CD53: variants seen among roughly 807,000 people sequenced by gnomAD.
The protein encoded by CD53 is CD53 molecule.
Under a neutral mutation model 27.3 loss-of-function variants are expected in CD53, and 20 were observed. The ratio of observed to expected loss-of-function variants is 0.73; its 90% CI spans 0.52 to 1.07. CD53 has a LOEUF of 1.07. Ranked by LOEUF, CD53 falls within the 50% of genes least tolerant of loss-of-function variation. The probability of loss-of-function intolerance (pLI) is 0.00; values close to 1 mark genes in which losing one functional copy is unlikely to be tolerated. For synonymous variants in CD53, 106 were observed against 105.3 expected (o/e 1.01, Z -0.04); for missense variants, 216 against 264.0 (o/e 0.82, Z 1.26).
intron 1 of CD53, among the ~76,000 whole-genome samples, chr1:110,884,879 T>G (rs757570286): frequency 1.3e-5 from 2 of 152,176 alleles, no homozygotes; most frequent in Non-Finnish European, 2.9e-5. Context: ...TAATTGGGTC[T>G]TGTTTTTTCA....
chr1:110,888,546 T>C (rs537776703), intron 1 of CD53, among the ~76,000 whole-genome samples: 66 of 152,340 alleles, frequency 4.3e-4, no homozygotes, highest in African/African-American at 1.6e-3. Flanking sequence ...ATTTTTTAGC[T>C]GTTTCAGGTG....
At chr1:110,880,350 A>G (rs563936971) in intron 1 of CD53, 2 of 152,214 alleles carry the variant, frequency 1.3e-5, no homozygotes, top group East Asian at 1.9e-4. Flanking sequence ...AGATTTTCTT[A>G]CTCAATTTAG....
intron 1 of CD53, among the ~76,000 whole-genome samples, chr1:110,880,766 C>T (rs1294076158): frequency 6.6e-6 from 1 of 152,140 alleles, no homozygotes; most frequent in Non-Finnish European, 1.5e-5. Flanking sequence ...CCTCAAGGAG[C>T]TCACATTCTA....
chr1:110,894,781 T>TGCCA (rs1167084767), intron 4 of CD53, among the ~76,000 whole-genome samples, 179 bp from the exon 5 acceptor site: 3 of 152,222 alleles, frequency 2.0e-5, no homozygotes, highest in African/African-American at 7.2e-5. Flanking sequence ...CTTCCTTCAA[T>TGCCA]GCCACCTCAT....
At chr1:110,874,343 G>A (rs1355146818) in intron 1 of CD53, among the ~76,000 whole-genome samples, 1 of 152,188 alleles carries the variant, frequency 6.6e-6, no homozygotes, top group African/African-American at 2.4e-5. Flanking sequence ...TAATAATCAA[G>A]TGGTAGGTGC....
intron 7 of CD53, among the ~76,000 whole-genome samples, chr1:110,898,379 G>GC (rs33929044): frequency 3.5e-5 from 4 of 115,658 alleles, no homozygotes; most frequent in Admixed American, 9.2e-5. Flanking sequence ...TCTGTCTCCA[G>GC]AAAAAAAAAA....
chr1:110,891,037 G>C (rs1317765210), intron 1 of CD53, among the ~76,000 whole-genome samples: 1 of 152,232 alleles, frequency 6.6e-6, no homozygotes, highest in African/African-American at 2.4e-5. Context: ...CTGACTTCAA[G>C]GGCTTAAGTG....
chr1:110,895,201 A>G, intron 5 of CD53, 146 bp downstream of exon 5: 1 of 634,220 alleles, frequency 1.6e-6, no homozygotes, highest in Non-Finnish European at 2.9e-6. Flanking sequence ...TATCACAAAC[A>G]TGGGAGCCCA....
At chr1:110,891,529 C>A (rs773428480) in intron 2 of CD53, 58 bp downstream of exon 2, 1 of 1,326,832 alleles carries the variant, frequency 7.5e-7, no homozygotes, top group Non-Finnish European at 1.1e-6. Flanking sequence ...AAGCTCTCCT[C>A]ATTCCTCTAC....
Position 110,896,678 on chromosome 1 carries a change from C to G in CD53, c.449C>G (p.Thr150Arg). ...SFLQCCGINGTSDWTSGPPAS... is the reference protein window; with the variant it reads ...SFLQCCGINGRSDWTSGPPAS... ...CTGCAGTGTTGTGGTATAAATGGCACGAGTGATTGGACCAGTGGCCCACCA... is the reference window on the plus strand; with the variant it reads ...CTGCAGTGTTGTGGTATAAATGGCAGGAGTGATTGGACCAGTGGCCCACCA... Residue 150 changes from threonine to arginine, a missense_variant, in exon 6 of 8, where the codon ACG becomes AGG. By Grantham distance (71) the Thr-to-Arg change is moderately conservative (BLOSUM62 -1). Coordinates refer to ENST00000271324, the MANE Select transcript of CD53 (RefSeq NM_000560.4). 1 of 1,613,406 alleles carries G rather than the reference C, an allele frequency of 6.2e-7. No homozygotes were observed. The highest frequency in any genetic ancestry group is 8.5e-7 in the Non-Finnish European group (1 of 1,179,764).
At chr1:110,875,312 T>A (rs146692901) in intron 1 of CD53, among the ~76,000 whole-genome samples, 6 of 152,284 alleles carry the variant, frequency 3.9e-5, no homozygotes, top group African/African-American at 1.4e-4. Context: ...GAGGGCAAGA[T>A]CGCTCACCAG....
At chr1:110,879,999 C>T (rs1203636596) in intron 1 of CD53, among the ~76,000 whole-genome samples, 1 of 152,208 alleles carries the variant, frequency 6.6e-6, no homozygotes, top group Non-Finnish European at 1.5e-5. Context: ...TCCGCAGGTT[C>T]TACCAGCTCA....
chr1:110,889,131 A>G (rs1279513920), intron 1 of CD53, among the ~76,000 whole-genome samples: 2 of 152,198 alleles, frequency 1.3e-5, no homozygotes, highest in Non-Finnish European at 2.9e-5. Context: ...AAAATTCTAG[A>G]TAAAATGAAT....
intron 1 of CD53, among the ~76,000 whole-genome samples, chr1:110,874,386 G>T (rs565565867): frequency 1.3e-5 from 2 of 152,346 alleles, no homozygotes; most frequent in South Asian, 4.1e-4. Flanking sequence ...TTTGGGAATT[G>T]TGGGGGAGGG....
chr1:110,880,008 C>G (rs1353174569), intron 1 of CD53, among the ~76,000 whole-genome samples: 1 of 152,176 alleles, frequency 6.6e-6, no homozygotes, highest in Non-Finnish European at 1.5e-5. Flanking sequence ...TCTACCAGCT[C>G]AAGCCCATTG....
At chr1:110,880,763 G>C (rs1656324083) in intron 1 of CD53, among the ~76,000 whole-genome samples, 1 of 152,098 alleles carries the variant, frequency 6.6e-6, no homozygotes, top group Admixed American at 6.6e-5. Context: ...TACCCTCAAG[G>C]AGCTCACATT....
chr1:110,885,838 T>G (rs759107282), intron 1 of CD53, among the ~76,000 whole-genome samples: 1 of 152,176 alleles, frequency 6.6e-6, no homozygotes, highest in Non-Finnish European at 1.5e-5. Flanking sequence ...CACTCCAGCC[T>G]GGGTCACAGA....
intron 2 of CD53, among the ~76,000 whole-genome samples, chr1:110,891,910 GTACTT>G (rs1656869628): frequency 6.6e-6 from 1 of 152,150 alleles, no homozygotes; most frequent in Non-Finnish European, 1.5e-5. Context: ...GGATGGGTTG[GTACTT>G]GTGTATATGA....
At chr1:110,888,511 T>G (rs1023119868) in intron 1 of CD53, among the ~76,000 whole-genome samples, 4 of 152,340 alleles carry the variant, frequency 2.6e-5, no homozygotes, top group Middle Eastern at 3.4e-3. Context: ...TTCAGTGTTT[T>G]GCAGACCATT....
Sources: gnomAD v4.1 joint callset for allele counts (sites outside exome capture counted in the v4.1 genomes callset) on GRCh38, gnomAD v4.1.1 for gene constraint, MANE v1.5 for transcripts, NCBI Gene and HGNC (gene_info 2026-07-23, HGNC 2026-07-21) for gene names.